HEATR4: variants seen among roughly 807,000 people sequenced by gnomAD.
The protein encoded by HEATR4 is HEAT repeat-containing protein 4.
Under a neutral mutation model 108.8 loss-of-function variants are expected in HEATR4, and 95 were observed. The observed-to-expected ratio is 0.87, with a 90% CI of 0.74 to 1.04. The LOEUF (loss-of-function observed/expected upper bound fraction) is 1.04, where lower values mean the gene tolerates loss of function less well. Ranked by LOEUF, HEATR4 falls within the 50% of genes least tolerant of loss-of-function variation. The probability of loss-of-function intolerance (pLI) is 0.00; values close to 1 mark genes in which losing one functional copy is unlikely to be tolerated. For missense variants in HEATR4, 1,152 were observed against 1,253.8 expected (o/e 0.92, Z 1.23); for synonymous variants, 443 against 459.4 (o/e 0.96, Z 0.46).
At chr14:73,495,040 A>G (rs189826751) in intron 16 of HEATR4, among the ~76,000 whole-genome samples, 188 bp downstream of exon 16, 2 of 131,408 alleles carry the variant, frequency 1.5e-5, no homozygotes, top group East Asian at 4.2e-4. Context: ...TAAATGAATA[A>G]AAACCCGAGA....
chr14:73,498,423 C>T, intron 13 of HEATR4, 79 bp from the exon 14 acceptor site: 1 of 1,245,998 alleles, frequency 8.0e-7, no homozygotes, highest in Non-Finnish European at 1.1e-6. Context: ...TTGAGTTTTG[C>T]AAACAATACC....
At chr14:73,518,992 C>A (rs758598831) in intron 5 of HEATR4, 31 bp downstream of exon 5, 10 of 1,595,992 alleles carry the variant, frequency 6.3e-6, no homozygotes, top group Admixed American at 1.7e-5. Context: ...CCGTTATTAA[C>A]CCCTGCCTTC....
chr14:73,501,277 C>T (rs916277944), intron 11 of HEATR4, among the ~76,000 whole-genome samples: 4 of 151,962 alleles, frequency 2.6e-5, no homozygotes, highest in African/African-American at 9.7e-5. Flanking sequence ...CACCACCACG[C>T]CTGGCTAATT....
At chr14:73,600,284 A>G in the HEATR4 span, among the ~76,000 whole-genome samples, 1 of 151,924 alleles carries the variant, frequency 6.6e-6, no homozygotes, top group Non-Finnish European at 1.5e-5. Context: ...TTTTGGTTCT[A>G]CCTCCTGAGT....
At chr14:73,569,653 A>C in the HEATR4 span, 1 of 1,605,650 alleles carries the variant, frequency 6.2e-7, no homozygotes, top group Non-Finnish European at 8.5e-7. Flanking sequence ...GCGGGGCTTG[A>C]GCCCATGGGG....
At chr14:73,622,064 G>A in the HEATR4 span, among the ~76,000 whole-genome samples, 2 of 151,918 alleles carry the variant, frequency 1.3e-5, no homozygotes, top group Non-Finnish European at 2.9e-5. Context: ...CGCCTGGCCT[G>A]TGTAGTATAA....
the HEATR4 span, among the ~76,000 whole-genome samples, chr14:73,572,530 C>A: frequency 6.6e-6 from 1 of 150,676 alleles, no homozygotes; most frequent in Admixed American, 6.6e-5. Flanking sequence ...CACAGAAAGT[C>A]CAGGATACTG....
At chr14:73,558,253 A>AT (rs1229767920) in intron 1 of HEATR4, among the ~76,000 whole-genome samples, 1 of 136,050 alleles carries the variant, frequency 7.4e-6, no homozygotes, top group South Asian at 2.6e-4. Flanking sequence ...AGTTCCCCTC[A>AT]TTTTTTCCCC....
At chr14:73,596,027 T>A in the HEATR4 span, 1 of 168,448 alleles carries the variant, frequency 5.9e-6, no homozygotes, top group Non-Finnish European at 1.3e-5. Context: ...AGGGTAGAAT[T>A]TTCTTTGGCC....
the HEATR4 span, chr14:73,593,807 T>TTC: frequency 6.2e-7 from 1 of 1,613,808 alleles, no homozygotes; most frequent in South Asian, 1.1e-5. Flanking sequence ...ACGTTGGCTC[T>TTC]AGCTTATTAT....
chr14:73,524,259 C>T (rs1461535527), intron 2 of HEATR4, among the ~76,000 whole-genome samples: 2 of 132,904 alleles, frequency 1.5e-5, no homozygotes, highest in Admixed American at 8.3e-5. Context: ...TGCCATTGCA[C>T]ACCAGCCTGG....
the HEATR4 span, among the ~76,000 whole-genome samples, chr14:73,607,922 C>T: frequency 0.015 from 2,248 of 151,598 alleles, 76 homozygotes; most frequent in African/African-American, 0.052. Context: ...CCATGCCCAG[C>T]GGGGTTTTCT....
chr14:73,499,748 G>A (rs1228438753), intron 12 of HEATR4, among the ~76,000 whole-genome samples: 1 of 152,052 alleles, frequency 6.6e-6, no homozygotes, highest in East Asian at 1.9e-4. Flanking sequence ...CTCCATTTAT[G>A]GGAGTTGATC....
At chr14:73,623,013 G>A in the HEATR4 span, among the ~76,000 whole-genome samples, 3 of 151,914 alleles carry the variant, frequency 2.0e-5, no homozygotes, top group South Asian at 2.1e-4. Flanking sequence ...GGGTTCAAGC[G>A]ATTCTCCTGC....
the HEATR4 span, among the ~76,000 whole-genome samples, chr14:73,587,660 CA>C: frequency 1.3e-5 from 2 of 152,026 alleles, no homozygotes; most frequent in Admixed American, 6.6e-5. Flanking sequence ...CTGGCCCATC[CA>C]CTTGTTTTTG....
chr14:73,576,609 C>G, the HEATR4 span, among the ~76,000 whole-genome samples: 8 of 151,316 alleles, frequency 5.3e-5, no homozygotes, highest in African/African-American at 1.7e-4. Flanking sequence ...TCAAGACAAG[C>G]CTGGGCAACA....
chr14:73,620,339 G>A, the HEATR4 span, among the ~76,000 whole-genome samples: 13 of 152,150 alleles, frequency 8.5e-5, no homozygotes, highest in Admixed American at 6.5e-5. Context: ...CTAGGTCCAC[G>A]TAGGCTTAAC....
At chr14:73,510,322 T>C (rs1256959333) in intron 7 of HEATR4, among the ~76,000 whole-genome samples, 2 of 152,144 alleles carry the variant, frequency 1.3e-5, no homozygotes, top group Non-Finnish European at 2.9e-5. Flanking sequence ...ACAGTAAGGT[T>C]CATAAGACTG....
intron 12 of HEATR4, 57 bp from the exon 13 acceptor site, chr14:73,499,197 A>G (rs1339018946): frequency 6.7e-7 from 1 of 1,482,334 alleles, no homozygotes; most frequent in Non-Finnish European, 9.4e-7. Context: ...TGAACCAGAA[A>G]CAGCTGGGTG....
Sources: gnomAD v4.1 joint callset for allele counts (sites outside exome capture counted in the v4.1 genomes callset) on GRCh38, gnomAD v4.1.1 for gene constraint, MANE v1.5 for transcripts, NCBI Gene and HGNC (gene_info 2026-07-23, HGNC 2026-07-21) for gene names.